The following SET variants were observed in gnomAD, a reference collection of about 807,000 sequenced individuals.
SET encodes SET nuclear proto-oncogene.
A neutral mutation model predicts 39.0 loss-of-function variants in SET; 4 were observed. The ratio of observed to expected loss-of-function variants is 0.10; its 90% CI spans 0.05 to 0.23. The LOEUF (loss-of-function observed/expected upper bound fraction) is 0.23, where lower values mean the gene tolerates loss of function less well. Among genes scored for constraint, SET ranks in the 10% least tolerant of loss-of-function variants. The pLI, the probability that SET is intolerant of heterozygous loss-of-function variation, is 1.00. For missense variants in SET, 137 were observed against 329.7 expected, an observed-to-expected ratio of 0.42 and a Z score of 4.53; for synonymous variants, 114 against 115.9, an observed-to-expected ratio of 0.98 and a Z score of 0.11.
intron 5 of SET, among the ~76,000 whole-genome samples, chr9:128,693,227 A>G (rs1861609175): frequency 1.3e-5 from 2 of 152,118 alleles, no homozygotes; most frequent in Admixed American, 6.5e-5. Flanking sequence ...CTTACCTTCC[A>G]AAAAACAAAA....
At position 128,695,303 on chromosome 9, in the gene SET, C is replaced by T. The variant is rs1393920002; in HGVS notation, c.*639C>T. On this transcript the variant is annotated 3_prime_UTR_variant, in exon 8 of 8. Transcript: ENST00000322030. ...CAGACATCCTTGCAGTTTAAGATGA[C>T]ACTTTTAAAATAAATTCTCTCCTAA... is the stretch of plus-strand genomic sequence containing the variant. 2 of 224,870 alleles carry T rather than the reference C, an allele frequency of 8.9e-6. No homozygotes were observed. The highest frequency in any genetic ancestry group is 2.2e-5 in the African/African-American group (1 of 44,828). The allele number at this position is 224,870 out of a possible 1,614,324, so 13.9% of individuals were successfully genotyped here.
chr9:128,686,753 T>C (rs1159819612), upstream of SET, among the ~76,000 whole-genome samples: 1 of 151,726 alleles, frequency 6.6e-6, no homozygotes, highest in East Asian at 1.9e-4. Context: ...TGAAGGATGG[T>C]TTGAGCTCAG....
At chr9:128,693,116 T>C in intron 5 of SET, 135 bp downstream of exon 5, 1 of 640,084 alleles carries the variant, frequency 1.6e-6, no homozygotes, top group East Asian at 2.8e-5. Context: ...TCCAGTGTGC[T>C]GAAGCCAAGT....
chr9:128,696,208 G>A lies in SET; in HGVS notation c.*1544G>A, dbSNP rs1861733881. ...CAGAGGTGAATTAATGGACAGTCTG[G>A]TGAACTTCAAAAGCTTTTTGATGTA... is the stretch of plus-strand genomic sequence containing the variant. On this transcript the variant is annotated 3_prime_UTR_variant, in exon 8 of 8. Transcript: ENST00000322030. 1 of 207,748 alleles carries A rather than the reference G, an allele frequency of 4.8e-6. No homozygotes were observed. The highest frequency in any genetic ancestry group is 9.9e-6 in the Non-Finnish European group (1 of 100,666). The allele number at this position is 207,748 out of a possible 1,614,324, so 12.9% of individuals were successfully genotyped here. A position where few individuals can be genotyped will look rare whatever the true frequency, so the allele number is the denominator to read the frequency against.
In SET at chr9:128,690,006, A is replaced by T. The variant is rs1190048179; in HGVS notation, c.73+351A>T. On this transcript the variant is annotated intron_variant, in intron 1 of 7. Coordinates refer to ENST00000322030, the MANE Select transcript of SET (RefSeq NM_003011.4). ...TCCGCCATGATGCCTCGCTCCCATC[A>T]GCCGCCGCCGCCGCCACATGGTGCG... 6 of 1,032,468 alleles carry T rather than the reference A, an allele frequency of 5.8e-6. No individual in the cohort carries two copies. Among genetic ancestry groups the T allele is most frequent in the Non-Finnish European group, 7.0e-6 (6 of 856,968 alleles). The allele number at this position is 1,032,468 out of a possible 1,614,324, so 64.0% of individuals were successfully genotyped here.
chr9:128,685,176 C>A, upstream of SET: 1 of 1,597,782 alleles, frequency 6.3e-7, no homozygotes, highest in Non-Finnish European at 8.5e-7. Flanking sequence ...ACATGGGATG[C>A]AGAGACCTCC....
At chr9:128,690,940 G>C (rs892107049) in intron 1 of SET, 2 of 579,862 alleles carry the variant, frequency 3.4e-6, no homozygotes, top group African/African-American at 1.9e-5. Flanking sequence ...TTAAAAAGGC[G>C]CTATAGAAAA....
In SET at chr9:128,689,570, G is replaced by T; in HGVS notation, c.-13G>T. ...CCCCCTCCCCGCTCCCCCCCCGACC[G>T]CGGAGCAGCACCATGTCGGCGCCGG... On this transcript the variant is annotated 5_prime_UTR_variant, in exon 1 of 8. Transcript: ENST00000322030. The T allele has an allele frequency of 8.3e-7, 1 of 1,205,186 alleles. No homozygotes were observed. The highest frequency in any genetic ancestry group is 1.1e-6 in the Non-Finnish European group (1 of 928,100). The allele number at this position is 1,205,186 out of a possible 1,614,324, so 74.7% of individuals were successfully genotyped here.
chr9:128,684,974 C>T (rs1385140246), upstream of SET: 1 of 1,388,086 alleles, frequency 7.2e-7, no homozygotes, highest in African/African-American at 1.5e-5. Flanking sequence ...CTAGGTCTGG[C>T]TCATAGGGGA....
In SET at chr9:128,695,419, C is replaced by T. The variant is rs1003361180; in HGVS notation, c.*755C>T. On this transcript the variant is annotated 3_prime_UTR_variant, in exon 8 of 8. Coordinates refer to ENST00000322030, the MANE Select transcript of SET (RefSeq NM_003011.4). ...GACATTCTCTATTGTAATTTTGTTC[C>T]TGTTTATTTTTAAATTTTCTTTTTG... The T allele has an allele frequency of 2.7e-5, 6 of 222,572 alleles. No individual in the cohort carries two copies. The Admixed American group carries it at 3.4e-4, about 13-fold the overall frequency. 13.8% of individuals were successfully genotyped at this position (222,572 alleles called of 1,614,324 possible). A position where few individuals can be genotyped will look rare whatever the true frequency, so the allele number is the denominator to read the frequency against.
intron 1 of SET, chr9:128,690,046 C>T: frequency 3.0e-6 from 3 of 986,146 alleles, no homozygotes; most frequent in Non-Finnish European, 3.6e-6. Context: ...GACGCGGCCC[C>T]GCGCCCGACC....
At chr9:128,687,182 A>AC (rs1861314872), upstream of SET, among the ~76,000 whole-genome samples, 1 of 151,924 alleles carries the variant, frequency 6.6e-6, no homozygotes, top group South Asian at 2.1e-4. Context: ...ACATGGTGAA[A>AC]CCCCGTCTCT....
At chr9:128,689,942 C>T (rs922959672) in intron 1 of SET, 7 of 160,044 alleles carry the variant, frequency 4.4e-5, no homozygotes, top group East Asian at 2.2e-4. Flanking sequence ...TCGCTCTCCT[C>T]CCCCTCCCTC....
At position 128,692,151 on chromosome 9, in the gene SET, C is replaced by T. The variant is rs533141015; in HGVS notation, c.274+151C>T. On this transcript the variant is annotated intron_variant, in intron 3 of 7. Coordinates refer to ENST00000322030, the MANE Select transcript of SET (RefSeq NM_003011.4). ...CCTGTAATCCCAGCACTTTGGGAGG[C>T]CGAGGTGGGTGGATCACTTGAGGTC... 41 of 904,144 alleles carry T rather than the reference C, an allele frequency of 4.5e-5. 1 individual carries two copies. The African/African-American group carries it at 6.3e-4, about 14-fold the overall frequency. 56.0% of individuals were successfully genotyped at this position (904,144 alleles called of 1,614,324 possible). A position where few individuals can be genotyped will look rare whatever the true frequency, so the allele number is the denominator to read the frequency against.
intron 4 of SET, 32 bp downstream of exon 4, chr9:128,692,797 C>T: frequency 6.5e-7 from 1 of 1,537,726 alleles, no homozygotes; most frequent in Non-Finnish European, 9.0e-7. Flanking sequence ...TTGTTTGCCA[C>T]TGTGGAAATT....
chr9:128,686,499 C>T (rs2132236847), upstream of SET, among the ~76,000 whole-genome samples: 1 of 152,240 alleles, frequency 6.6e-6, no homozygotes, highest in South Asian at 2.1e-4. Context: ...AAGCAGCCAG[C>T]CCTTGGCATA....
chr9:128,692,423 CCT>C, intron 3 of SET: 1 of 110,136 alleles, frequency 9.1e-6, no homozygotes, highest in Non-Finnish European at 1.9e-5. Flanking sequence ...AAAAAAAAAA[CCT>C]CAAAGACGGG....
chr9:128,694,612 G>GA (rs1179459618), intron 7 of SET, 29 bp from the exon 8 acceptor site: 2 of 1,538,218 alleles, frequency 1.3e-6, no homozygotes, highest in East Asian at 4.7e-5. Context: ...CATTAATCCT[G>GA]AAGATTAACT....
upstream of SET, chr9:128,685,089 C>A (rs1861239943): frequency 2.0e-5 from 31 of 1,541,444 alleles, no homozygotes; most frequent in South Asian, 3.6e-4. Context: ...ATGGAAGAAG[C>A]ACTGAGGAGG....
Sources: allele counts gnomAD v4.1 joint callset (sites outside exome capture counted in the v4.1 genomes callset), GRCh38; gene constraint gnomAD v4.1.1; transcripts MANE v1.5; gene names NCBI Gene and HGNC (gene_info 2026-07-23, HGNC 2026-07-21).